Variants in ERFL observed in about 807,000 individuals in gnomAD.
ERFL encodes the protein ETS repressor factor like, also known as ETS domain-containing transcription factor ERF-like.
Under a neutral mutation model 27.9 loss-of-function variants are expected in ERFL, and 8 were observed. The observed-to-expected ratio is 0.29, with a 90% confidence interval of 0.17 to 0.52. The LOEUF is 0.52. ERFL is among the 20% of genes least tolerant of loss of function. The probability of loss-of-function intolerance (pLI) is 0.97; values close to 1 mark genes in which losing one functional copy is unlikely to be tolerated. For missense variants in ERFL, 294 were observed against 444.4 expected, an observed-to-expected ratio of 0.66 and a Z score of 3.04; for synonymous variants, 174 against 202.8, an observed-to-expected ratio of 0.86 and a Z score of 1.21.
rs1312519777 is a variant in ERFL at position 41,918,113 on chromosome 19, C to T, written c.-13-5181G>A. 5.3e-5 allele frequency among the ~76,000 whole-genome samples: 8 copies of T among 151,988 alleles called. No homozygotes were observed. The East Asian group carries it at 1.5e-3, about 29-fold the overall frequency. On this transcript the variant is annotated intron_variant, in intron 1 of 5. Coordinates refer to ENST00000597630, the MANE Select transcript of ERFL (RefSeq NM_001365103.2). Reference sequence around the variant, plus strand: ...GCCCCCCCATCCCGGACGCCACCCCCATTCCCACACTGCCCACATCAAATG... The same window carrying T: ...GCCCCCCCATCCCGGACGCCACCCCTATTCCCACACTGCCCACATCAAATG...
rs564907702 is a variant in ERFL, at chr19:41,909,622, A to C, written c.303-151T>G. On this transcript the variant is annotated intron_variant, in intron 3 of 5. Coordinates refer to ENST00000597630, the MANE Select transcript of ERFL (RefSeq NM_001365103.2). The surrounding 1 kb of genome is among the most constrained non-coding windows in gnomAD (Gnocchi z 5.2). ...TCACAGAAGTCCCTTAATAGGGATC[A>C]CAGGGCAAGGAAGGGATGAGGCAGG... Among the ~76,000 whole-genome samples, 1 of 152,290 alleles carries C rather than the reference A, an allele frequency of 6.6e-6. No individual in the cohort carries two copies. Among genetic ancestry groups the C allele is most frequent in the East Asian group, 1.9e-4 (1 of 5,182 alleles).
At chr19:41,920,036 GAT>G in intron 1 of ERFL, among the ~76,000 whole-genome samples, 1 of 129,544 alleles carries the variant, frequency 7.7e-6, no homozygotes, top group Non-Finnish European at 1.6e-5. Context: ...TCACAGACAT[GAT>G]ACGCTCACAG....
chr19:41,920,329 ACACT>A (rs2074834107), intron 1 of ERFL, among the ~76,000 whole-genome samples: 2 of 144,578 alleles, frequency 1.4e-5, no homozygotes, highest in South Asian at 5.4e-4. Context: ...CAGACGTGAC[ACACT>A]CAGACGTGAT....
intron 1 of ERFL, among the ~76,000 whole-genome samples, chr19:41,920,120 C>T (rs181051660): frequency 2.6e-5 from 3 of 113,334 alleles, no homozygotes; most frequent in Non-Finnish European, 5.2e-5. Flanking sequence ...AGACATGACA[C>T]GCTCACACAT....
intron 1 of ERFL, among the ~76,000 whole-genome samples, chr19:41,914,888 T>C (rs114941260): frequency 0.011 from 182 of 17,136 alleles, 15 homozygotes; most frequent in African/African-American, 0.076. Flanking sequence ...CTCCCCTCCA[T>C]CATCTCTGTC....
At chr19:41,925,867 G>A (rs370824448) in intron 1 of ERFL, among the ~76,000 whole-genome samples, 3 of 152,202 alleles carry the variant, frequency 2.0e-5, no homozygotes, top group African/African-American at 2.4e-5. Context: ...ACACTGTCAC[G>A]GAGGAGGATG....
rs541276612 is a variant in ERFL, at chr19:41,912,583, G to A, written c.67+270C>T. On this transcript the variant is annotated intron_variant, in intron 2 of 5. Transcript: ENST00000597630. ...TGCGTGGCAGGGATGCCCGGGCCTC[G>A]GGCCCCTCCGTCCTCACCCCTCACT... Among the ~76,000 whole-genome samples, 611 of 152,162 alleles carry A rather than the reference G, an allele frequency of 4.0e-3. 4 individuals are homozygous for A. Among genetic ancestry groups the A allele is most frequent in the African/African-American group, 0.014 (599 of 41,516 alleles).
At position 41,917,446 on chromosome 19, in the gene ERFL, CACCACCAG is replaced by C. The variant is rs1163812316; in HGVS notation, c.-13-4522_-13-4515del. Among the ~76,000 whole-genome samples, 723 of 152,056 alleles carry C rather than the reference CACCACCAG, an allele frequency of 4.8e-3. 6 individuals are homozygous for C. The highest frequency in any genetic ancestry group is 9.1e-3 in the Non-Finnish European group (618 of 67,884). ...GGAGCCGCCTCGGGCCTCGCACCCCCACCACCAGCCCCTTCATCCCTCACCCAGGCCCC... is the reference window on the plus strand; with the variant it reads ...GGAGCCGCCTCGGGCCTCGCACCCCCCCCCTTCATCCCTCACCCAGGCCCC... On this transcript the variant is annotated intron_variant, in intron 1 of 5. Transcript: ENST00000597630. The surrounding 1 kb of genome is among the most constrained non-coding windows in gnomAD (Gnocchi z 4.8).
Position 41,908,148 on chromosome 19 carries a change from G to A in ERFL, c.*80C>T, listed in dbSNP as rs754472351. On this transcript the variant is annotated 3_prime_UTR_variant, in exon 6 of 6. Transcript: ENST00000597630. This position sits in a 1 kb window ranked among gnomAD's most constrained non-coding sequence, Gnocchi z 6.7. ...CTGGGAGGTGCTGAGGGCTGGTCCT[G>A]GGCCTTGGGCCAGGCATCAAGGGCA... The A allele has an allele frequency of 1.8e-6, 2 of 1,124,502 alleles. No individual in the cohort carries two copies. Among genetic ancestry groups the A allele is most frequent in the Non-Finnish European group, 2.2e-6 (2 of 889,904 alleles). The allele number at this position is 1,124,502 out of a possible 1,614,324, so 69.7% of individuals were successfully genotyped here. A position where few individuals can be genotyped will look rare whatever the true frequency, so the allele number is the denominator to read the frequency against.
rs1307723515 is a variant in ERFL at position 41,928,449 on chromosome 19, T to G, written c.-423A>C. 6.5e-6 allele frequency: 1 copy of G among 154,718 alleles called. No individual in the cohort carries two copies. Among genetic ancestry groups the G allele is most frequent in the Non-Finnish European group, 1.4e-5 (1 of 70,262 alleles). The allele number at this position is 154,718 out of a possible 1,614,324, so 9.6% of individuals were successfully genotyped here. A position where few individuals can be genotyped will look rare whatever the true frequency, so the allele number is the denominator to read the frequency against. The stretch of plus-strand genomic sequence containing the variant: ...GCCGGCTGGGGGCGCGGGGCGGCCC[T>G]GCCTCCTGCGCCTTCTCCTCTTCCT... On this transcript the variant is annotated 5_prime_UTR_variant, in exon 1 of 6. Transcript: ENST00000597630.
rs1568831700 is a variant in ERFL, at chr19:41,914,602, GTCTCTCCCTCCCCTTCCACCA to G, written c.-13-1691_-13-1671del. Among the ~76,000 whole-genome samples, 3 of 47,724 alleles carry G rather than the reference GTCTCTCCCTCCCCTTCCACCA, an allele frequency of 6.3e-5. 1 individual carries two copies. Among genetic ancestry groups the G allele is most frequent in the African/African-American group, 2.8e-4 (2 of 7,262 alleles). The allele number at this position is 47,724 out of a possible 152,430, so 31.3% of individuals were successfully genotyped here. Reference sequence around the variant, plus strand: ...CTCTCCCTCCCTTTCCACCATCTCTGTCTCTCCCTCCCCTTCCACCATCTCTGTCTCTGTCTCTCCCTCCCT... The same window carrying G: ...CTCTCCCTCCCTTTCCACCATCTCTGTCTCTGTCTCTGTCTCTCCCTCCCT... On this transcript the variant is annotated intron_variant, in intron 1 of 5. Coordinates refer to ENST00000597630, the MANE Select transcript of ERFL (RefSeq NM_001365103.2).
In ERFL at chr19:41,917,718, A is replaced by C. The variant is rs1659309137; in HGVS notation, c.-13-4786T>G. Reference sequence around the variant, plus strand: ...ACGTTCAGGCACAATCTGGGGACATATCTCTCCTTACGCCACACGCCCATG... The same window carrying C: ...ACGTTCAGGCACAATCTGGGGACATCTCTCTCCTTACGCCACACGCCCATG... On this transcript the variant is annotated intron_variant, in intron 1 of 5. Coordinates refer to ENST00000597630, the MANE Select transcript of ERFL (RefSeq NM_001365103.2). This position sits in a 1 kb window ranked among gnomAD's most constrained non-coding sequence, Gnocchi z 4.8. 6.6e-6 allele frequency among the ~76,000 whole-genome samples: 1 copy of C among 151,538 alleles called. No homozygotes were observed. Among genetic ancestry groups the C allele is most frequent in the Non-Finnish European group, 1.5e-5 (1 of 67,868 alleles).
chr19:41,919,729 A>G (rs2074826978), intron 1 of ERFL, among the ~76,000 whole-genome samples: 1 of 152,046 alleles, frequency 6.6e-6, no homozygotes, highest in South Asian at 2.1e-4. Flanking sequence ...TCAGGGTCGC[A>G]CTCACTTGGT....
rs1440635522 is a variant in ERFL at position 41,909,279 on chromosome 19, A to C, written c.495T>G (p.Pro165=). Residue 165 remains proline, a synonymous_variant, in exon 4 of 6, where the codon CCT becomes CCG. Coordinates refer to ENST00000597630, the MANE Select transcript of ERFL (RefSeq NM_001365103.2). The surrounding 1 kb of genome is among the most constrained non-coding windows in gnomAD (Gnocchi z 5.2). ...APGPDAPPLT[P]ETLQTLFSAP... is the part of the protein sequence containing the mutation. ...GGACCCCAGTACCCAGACTCACCTC[A>C]GGGGTGAGGGGAGGAGCATCTGGCC... 1.6e-6 allele frequency: 2 copies of C among 1,233,224 alleles called. No homozygotes were observed. The highest frequency in any genetic ancestry group is 6.3e-5 in the East Asian group (2 of 31,708). The allele number at this position is 1,233,224 out of a possible 1,614,324, so 76.4% of individuals were successfully genotyped here. A position where few individuals can be genotyped will look rare whatever the true frequency, so the allele number is the denominator to read the frequency against.
chr19:41,926,578 C>A (rs929577198), intron 1 of ERFL, among the ~76,000 whole-genome samples: 1 of 152,146 alleles, frequency 6.6e-6, no homozygotes, highest in Non-Finnish European at 1.5e-5. Context: ...GGGTCCCTCC[C>A]GTGGCTCTGG....
intron 1 of ERFL, among the ~76,000 whole-genome samples, chr19:41,926,293 G>GA (rs1555853262): frequency 6.6e-6 from 1 of 152,032 alleles, no homozygotes; most frequent in Non-Finnish European, 1.5e-5. Flanking sequence ...CAGGTGAGAG[G>GA]AAATAGGTGT....
At position 41,908,978 on chromosome 19, in the gene ERFL, CTT is replaced by C. The variant is rs2074736513; in HGVS notation, c.616+80_616+81del. 2.2e-6 allele frequency: 2 copies of C among 901,982 alleles called. No homozygotes were observed. The highest frequency in any genetic ancestry group is 2.9e-6 in the Non-Finnish European group (2 of 688,106). The allele number at this position is 901,982 out of a possible 1,614,324, so 55.9% of individuals were successfully genotyped here. On this transcript the variant is annotated intron_variant, in intron 5 of 5. Transcript: ENST00000597630. The surrounding 1 kb of genome is among the most constrained non-coding windows in gnomAD (Gnocchi z 6.7). ...CTGGGCCCCCTTCCCCATCTCTTCT[CTT>C]GTCTTTTCTCATCCTCTTCCCTCAA...
At chr19:41,923,263 G>C (rs1343835489) in intron 1 of ERFL, 1 of 444,672 alleles carries the variant, frequency 2.2e-6, no homozygotes, top group Non-Finnish European at 4.5e-6. Flanking sequence ...CCCGATATTT[G>C]TACTGTCAGA....
Position 41,921,174 on chromosome 19 carries a change from T to A in ERFL, c.-14+6866A>T, listed in dbSNP as rs1188943789. Among the ~76,000 whole-genome samples the A allele has an allele frequency of 1.4e-5, 2 of 145,460 alleles. No homozygotes were observed. The highest frequency in any genetic ancestry group is 5.2e-5 in the African/African-American group (2 of 38,740). On this transcript the variant is annotated intron_variant, in intron 1 of 5. Transcript: ENST00000597630. The surrounding 1 kb of genome is among the most constrained non-coding windows in gnomAD (Gnocchi z 4.4). ...CACCGTGAGGCGAGGCGGAGGGAGG[T>A]CTGGCTGCTCCCCAACCTCACTCGT...
Sources: gnomAD v4.1 joint callset for allele counts (sites outside exome capture counted in the v4.1 genomes callset) on GRCh38, gnomAD v4.1.1 for gene constraint, Gnocchi (gnomAD v3.1) non-coding constraint, MANE v1.5 for transcripts, NCBI Gene and HGNC (gene_info 2026-07-23, HGNC 2026-07-21) for gene names.